The following SYCP2 variants were observed in gnomAD, a reference collection of about 807,000 sequenced individuals.
SYCP2 encodes synaptonemal complex lateral element protein.
A neutral mutation model predicts 211.3 loss-of-function variants in SYCP2; 55 were observed. The ratio of observed to expected loss-of-function variants is 0.26; its 90% confidence interval spans 0.21 to 0.33. The LOEUF is 0.33. SYCP2 is among the 10% of genes least tolerant of loss of function. The probability of loss-of-function intolerance (pLI) is 1.00; values close to 1 mark genes in which losing one functional copy is unlikely to be tolerated. For synonymous variants in SYCP2, 570 were observed against 555.2 expected, an observed-to-expected ratio of 1.03 and a Z score of -0.37; for missense variants, 1,731 against 1,752.0, an observed-to-expected ratio of 0.99 and a Z score of 0.21.
rs1348932578 is a variant in SYCP2, at chr20:59,869,915, T to G, written c.3624A>C (p.Thr1208=). Residue 1208 remains threonine (T), a synonymous_variant, in exon 36 of 45, where the codon ACA becomes ACC. Transcript: ENST00000357552. The part of the protein sequence containing the change: ...NRKKISSLVL[T]QETQNSNSYS... ...AGCTGTTACTGTTTTGTGTTTCTTG[T>G]GTAAGTACCAGAGAACTTATTTTTT... 3.7e-6 allele frequency: 6 copies of G among 1,606,638 alleles called. No homozygotes were observed. Among genetic ancestry groups the G allele is most frequent in the South Asian group, 2.2e-5 (2 of 90,792 alleles).
At chr20:59,903,853 G>A (rs2060163599) in intron 15 of SYCP2, among the ~76,000 whole-genome samples, 1 of 152,172 alleles carries the variant, frequency 6.6e-6, no homozygotes, top group African/African-American at 2.4e-5. Context: ...AAAGTTGGAA[G>A]CTGGAGACTT....
intron 3 of SYCP2, among the ~76,000 whole-genome samples, chr20:59,921,778 A>C (rs570764292): frequency 6.6e-6 from 1 of 151,718 alleles, no homozygotes; most frequent in African/African-American, 2.4e-5. Context: ...GAACACTTAA[A>C]CCAAGAATAA....
In SYCP2 at chr20:59,915,446, T is replaced by C; in HGVS notation, c.599+19A>G. On this transcript the variant is annotated intron_variant, in intron 9 of 44. Transcript: ENST00000357552. ...TTATGGATTTTAAGAATAAAAACCATATAAGTACAGATTATTACATGAGAA... is the reference window on the plus strand; with the variant it reads ...TTATGGATTTTAAGAATAAAAACCACATAAGTACAGATTATTACATGAGAA... 1.3e-6 allele frequency: 2 copies of C among 1,491,536 alleles called. No homozygotes were observed. The highest frequency in any genetic ancestry group is 1.9e-6 in the Non-Finnish European group (2 of 1,073,632). The allele number at this position is 1,491,536 out of a possible 1,614,324, so 92.4% of individuals were successfully genotyped here. A position where few individuals can be genotyped will look rare whatever the true frequency, so the allele number is the denominator to read the frequency against.
rs568767692 is a variant in SYCP2 at position 59,914,941 on chromosome 20, A to G, written c.634+224T>C. ...TTTAAGCTATTAAGCTATATTATTC[A>G]TAAGTCTACCATTAGGCACAAATTG... On this transcript the variant is annotated intron_variant, in intron 10 of 44. Coordinates refer to ENST00000357552, the MANE Select transcript of SYCP2 (RefSeq NM_014258.4). 3.0e-3 allele frequency among the ~76,000 whole-genome samples: 453 copies of G among 152,154 alleles called. 4 individuals carry two copies. The highest frequency in any genetic ancestry group is 5.2e-3 in the Non-Finnish European group (353 of 67,898).
At position 59,919,453 on chromosome 20, in the gene SYCP2, C is replaced by T. The variant is rs191563075; in HGVS notation, c.402+40G>A. 7 of 1,384,582 alleles carry T rather than the reference C, an allele frequency of 5.1e-6. No individual in the cohort carries two copies. The East Asian group carries it at 1.4e-4, about 27-fold the overall frequency. 85.8% of individuals were successfully genotyped at this position (1,384,582 alleles called of 1,614,324 possible). A position where few individuals can be genotyped will look rare whatever the true frequency, so the allele number is the denominator to read the frequency against. On this transcript the variant is annotated intron_variant, in intron 6 of 44. Coordinates refer to ENST00000357552, the MANE Select transcript of SYCP2 (RefSeq NM_014258.4). Reference sequence around the variant, plus strand: ...ACACAAATTGTTTTTTAAATAAACACATGCTTTATAAATATCAGTGTAATC... The same window carrying T: ...ACACAAATTGTTTTTTAAATAAACATATGCTTTATAAATATCAGTGTAATC...
At chr20:59,895,314 G>T (rs1260835621) in intron 20 of SYCP2, 123 bp downstream of exon 20, 1 of 727,444 alleles carries the variant, frequency 1.4e-6, no homozygotes, top group Non-Finnish European at 2.1e-6. Flanking sequence ...AAATATTTAG[G>T]GGAAAAAAGG....
chr20:59,886,342 CA>C (rs549045044), intron 25 of SYCP2, among the ~76,000 whole-genome samples: 1 of 151,874 alleles, frequency 6.6e-6, no homozygotes, highest in African/African-American at 2.4e-5. Context: ...CTATTTACTA[CA>C]AAAAAACTCA....
In SYCP2 at chr20:59,875,469, C is replaced by T; in HGVS notation, c.3151G>A (p.Glu1051Lys). ...TTCATTCTGGAATGGATATTCTCCT[C>T]CTAAATGTATCAATAACTTTCAAAT... ...HSFKENIPVK[E>K]ENIHSRMKTV... Residue 1051 changes from glutamate (E) to lysine (K), a missense_variant and splice_region_variant, in exon 34 of 45, where the codon GAG becomes AAG. Physicochemically the swap from Glu to Lys is moderately conservative, Grantham distance 56. Coordinates refer to ENST00000357552, the MANE Select transcript of SYCP2 (RefSeq NM_014258.4). 6.2e-7 allele frequency: 1 copy of T among 1,603,294 alleles called. No individual in the cohort carries two copies. Among genetic ancestry groups the T allele is most frequent in the East Asian group, 2.2e-5 (1 of 44,634 alleles).
At chr20:59,901,605 C>G (rs376942055) in intron 16 of SYCP2, 57 bp downstream of exon 16, 1 of 1,104,812 alleles carries the variant, frequency 9.1e-7, no homozygotes. Context: ...ACTTATAACG[C>G]CAAACTGTTT....
intron 36 of SYCP2, 98 bp downstream of exon 36, chr20:59,869,700 A>T (rs1354024962): frequency 1.6e-6 from 1 of 643,452 alleles, no homozygotes; most frequent in Non-Finnish European, 2.6e-6. Context: ...GTTGAAAAGC[A>T]TTAAAATATT....
Position 59,869,865 on chromosome 20 carries a change from G to T in SYCP2, c.3674C>A (p.Ser1225Ter). 6.2e-7 allele frequency: 1 copy of T among 1,607,570 alleles called. No individual in the cohort carries two copies. The highest frequency in any genetic ancestry group is 1.1e-5 in the South Asian group (1 of 90,824). ...NSYSDVSSYS[S>*]EERFMEIESP... ...TTCAATTTCCATAAACCGTTCTTCT[G>T]AACTATAACTGCTTACATCTGAATA... The change falls in exon 36 of 45, where the codon TCA becomes TAA. Residue 1225 changes from serine (S) to a stop codon, truncating the protein, a stop_gained. Transcript: ENST00000357552. LOFTEE classifies it high-confidence loss of function.
intron 26 of SYCP2, among the ~76,000 whole-genome samples, chr20:59,882,949 T>C (rs1368550591): frequency 1.3e-5 from 2 of 152,194 alleles, no homozygotes; most frequent in African/African-American, 4.8e-5. Context: ...TTTTAAATAT[T>C]TTTCTAGATG....
chr20:59,882,792 A>AG (rs963222415), intron 26 of SYCP2, among the ~76,000 whole-genome samples: 31 of 152,114 alleles, frequency 2.0e-4, no homozygotes, highest in African/African-American at 7.5e-4. Context: ...AGGAAGGAGT[A>AG]GGGGGGGAAC....
intron 13 of SYCP2, 103 bp from the exon 14 acceptor site, chr20:59,911,948 GGA>G (rs1163903406): frequency 4.2e-6 from 2 of 479,488 alleles, no homozygotes; most frequent in East Asian, 3.4e-5. Flanking sequence ...AAAGCTAGAA[GGA>G]GAGAGAAGAG....
chr20:59,874,531 C>T (rs2059517020), intron 34 of SYCP2, among the ~76,000 whole-genome samples: 1 of 151,942 alleles, frequency 6.6e-6, no homozygotes, highest in Non-Finnish European at 1.5e-5. Flanking sequence ...CAGATCGAAT[C>T]AGGGCATGTA....
Position 59,865,426 on chromosome 20 carries a change from C to A in SYCP2, c.4477G>T (p.Asp1493Tyr). The A allele has an allele frequency of 3.7e-6, 6 of 1,610,014 alleles. No individual in the cohort carries two copies. The highest frequency in any genetic ancestry group is 5.1e-6 in the Non-Finnish European group (6 of 1,178,120). ...AGCCTGTCTTGCAGCACTTTCATAT[C>A]TTCTTTCATCAAACACATCTGTAAA... is the stretch of plus-strand genomic sequence containing the variant. ...FTSEMCLMKE[D>Y]MKVLQDRLLK... The change falls in exon 44 of 45, where the codon GAT becomes TAT. Residue 1493 changes from aspartate to tyrosine, a missense_variant. Around this residue, in one of 3 missense-constraint regions of SYCP2, gnomAD observed 1,387 missense variants for 1,351.3 expected, o/e 1.03. Coordinates refer to ENST00000357552, the MANE Select transcript of SYCP2 (RefSeq NM_014258.4).
chr20:59,921,440 C>T lies in SYCP2; in HGVS notation c.38G>A (p.Cys13Tyr), dbSNP rs761598399. The T allele has an allele frequency of 1.9e-6, 3 of 1,601,046 alleles. No homozygotes were observed. The highest frequency in any genetic ancestry group is 2.2e-5 in the South Asian group (2 of 89,592). ...ATTTTTTCTTAAAGCATCATCAATG[C>T]ATTTTTCCAACTGCTAGAGAAATAT... ...IRPDLQQLEKCIDDALRKNDF... is the reference protein window; with the variant it reads ...IRPDLQQLEKYIDDALRKNDF... Residue 13 changes from cysteine to tyrosine, a missense_variant, in exon 4 of 45, where the codon TGC (cysteine) becomes TAC (tyrosine). Coordinates refer to ENST00000357552, the MANE Select transcript of SYCP2 (RefSeq NM_014258.4).
At chr20:59,920,638 T>C in intron 4 of SYCP2, 151 bp from the exon 5 acceptor site, 1 of 677,340 alleles carries the variant, frequency 1.5e-6, no homozygotes, top group Non-Finnish European at 2.4e-6. Context: ...GATGAAAATG[T>C]GGTTTAAGAA....
intron 31 of SYCP2, among the ~76,000 whole-genome samples, chr20:59,878,736 CCTA>C (rs1186701983): frequency 1.3e-5 from 2 of 152,118 alleles, no homozygotes; most frequent in Non-Finnish European, 2.9e-5. Context: ...TGTATAATAT[CCTA>C]CGATTTATTT....
Sources: gnomAD v4.1 joint callset for allele counts (sites outside exome capture counted in the v4.1 genomes callset) on GRCh38, gnomAD v4.1.1 for gene constraint, gnomAD v4.1.1 regional missense constraint, MANE v1.5 for transcripts, NCBI Gene and HGNC (gene_info 2026-07-23, HGNC 2026-07-21) for gene names.